The following ATG7 variants were observed in gnomAD, a reference collection of about 807,000 sequenced individuals.
ATG7 encodes autophagy related 7, also known as ubiquitin-like modifier-activating enzyme ATG7.
Under a neutral mutation model 82.4 loss-of-function variants are expected in ATG7, and 70 were observed. The ratio of observed to expected loss-of-function variants is 0.85; its 90% CI spans 0.70 to 1.04. The LOEUF (loss-of-function observed/expected upper bound fraction) is 1.04. Among genes scored for constraint, ATG7 ranks in the 50% least tolerant of loss-of-function variants. The pLI is 0.00. For synonymous variants in ATG7, 287 were observed against 313.0 expected (o/e 0.92, Z 0.88); for missense variants, 792 against 864.3 (o/e 0.92, Z 1.05).
chr3:11,431,582 C>A (rs752967622), intron 20 of ATG7, among the ~76,000 whole-genome samples: 1 of 152,174 alleles, frequency 6.6e-6, no homozygotes, highest in African/African-American at 2.4e-5. Flanking sequence ...CCCTGGCAAC[C>A]ACTAATCTTC....
chr3:11,541,301 A>C (rs1019851417), intron 20 of ATG7, among the ~76,000 whole-genome samples: 1 of 152,172 alleles, frequency 6.6e-6, no homozygotes, highest in Non-Finnish European at 1.5e-5. Context: ...TGGTTATCTA[A>C]TTGTTCCAGC....
intron 19 of ATG7, among the ~76,000 whole-genome samples, chr3:11,385,698 C>T (rs2078270813): frequency 6.6e-6 from 1 of 152,154 alleles, no homozygotes; most frequent in Non-Finnish European, 1.5e-5. Context: ...AGGATGACTT[C>T]TGAGTTGATG....
intron 20 of ATG7, among the ~76,000 whole-genome samples, chr3:11,430,756 A>C (rs1322741077): frequency 1.3e-5 from 2 of 152,230 alleles, no homozygotes; most frequent in Non-Finnish European, 2.9e-5. Flanking sequence ...AATGCAATAA[A>C]AAATGTTTTA....
At chr3:11,455,402 T>A (rs578255908) in intron 20 of ATG7, among the ~76,000 whole-genome samples, 2 of 152,284 alleles carry the variant, frequency 1.3e-5, no homozygotes, top group Admixed American at 1.3e-4. Flanking sequence ...TTCCTGGACA[T>A]CCCAGTGCAC....
At chr3:11,455,148 A>T (rs1017892585) in intron 20 of ATG7, among the ~76,000 whole-genome samples, 3 of 152,238 alleles carry the variant, frequency 2.0e-5, no homozygotes, top group Non-Finnish European at 4.4e-5. Flanking sequence ...ATTCTTTTAC[A>T]TATGAGGAAC....
chr3:11,349,811 A>G (rs1311204116), intron 14 of ATG7, among the ~76,000 whole-genome samples: 5 of 152,242 alleles, frequency 3.3e-5, no homozygotes, highest in Non-Finnish European at 7.3e-5. Context: ...TGAAGAAGAA[A>G]GATTGGGCTG....
At chr3:11,345,280 G>A (rs1217949478) in intron 13 of ATG7, among the ~76,000 whole-genome samples, 3 of 152,278 alleles carry the variant, frequency 2.0e-5, no homozygotes, top group African/African-American at 4.8e-5. Flanking sequence ...ATGGTGGCAG[G>A]CGCCTGTGGT....
intron 13 of ATG7, 41 bp from the exon 14 acceptor site, chr3:11,347,836 T>C (rs753806789): frequency 1.9e-6 from 3 of 1,585,010 alleles, no homozygotes; most frequent in South Asian, 2.3e-5. Context: ...CCCTGTGAAA[T>C]GTTCATCAGA....
chr3:11,512,115 G>A (rs1328549820), intron 20 of ATG7, among the ~76,000 whole-genome samples: 2 of 152,200 alleles, frequency 1.3e-5, no homozygotes, highest in Non-Finnish European at 2.9e-5. Context: ...GAGGTGCCAA[G>A]AGCAAGCGAG....
intron 20 of ATG7, among the ~76,000 whole-genome samples, chr3:11,504,752 T>C (rs1443895441): frequency 1.3e-5 from 2 of 152,128 alleles, no homozygotes; most frequent in Non-Finnish European, 2.9e-5. Flanking sequence ...GGGAAAACAA[T>C]GTTGTACAAG....
intron 19 of ATG7, among the ~76,000 whole-genome samples, chr3:11,394,336 C>T (rs1031025364): frequency 5.3e-5 from 8 of 152,174 alleles, no homozygotes; most frequent in African/African-American, 1.9e-4. Flanking sequence ...TAAACCAGCT[C>T]TCTTACTGAA....
chr3:11,565,841 G>C, the ATG7 span, among the ~76,000 whole-genome samples: 1 of 152,176 alleles, frequency 6.6e-6, no homozygotes, highest in Non-Finnish European at 1.5e-5. The surrounding 1 kb of genome is among the most constrained non-coding windows in gnomAD (Gnocchi z 4.1). Context: ...ACCCCACACA[G>C]GTAAGCCATG....
At position 11,333,106 on chromosome 3, in the gene ATG7, T is replaced by C. The variant is rs1951882844; in HGVS notation, c.889+13T>C. The C allele has an allele frequency of 6.5e-7, 1 of 1,543,320 alleles. No homozygotes were observed. Among genetic ancestry groups the C allele is most frequent in the Non-Finnish European group, 8.7e-7 (1 of 1,149,560 alleles). On this transcript the variant is annotated intron_variant, in intron 11 of 20. Transcript: ENST00000693202. ...GCATTTAGCCCAGGTAATTTGCCGG[T>C]CTTTGAAAATGCATATAATTATCAT... is the stretch of plus-strand genomic sequence containing the variant.
At chr3:11,438,359 A>G (rs574459633) in intron 20 of ATG7, among the ~76,000 whole-genome samples, 1 of 152,320 alleles carries the variant, frequency 6.6e-6, no homozygotes, top group South Asian at 2.1e-4. Context: ...AAAGTCAAAC[A>G]GGAGTAAAAC....
At chr3:11,470,071 C>T (rs964854901) in intron 20 of ATG7, among the ~76,000 whole-genome samples, 8 of 151,340 alleles carry the variant, frequency 5.3e-5, no homozygotes, top group Non-Finnish European at 1.5e-5. Flanking sequence ...GCACCTCTAC[C>T]TTGTGCTTAC....
chr3:11,450,033 A>T (rs893096087), intron 20 of ATG7, among the ~76,000 whole-genome samples: 1 of 152,174 alleles, frequency 6.6e-6, no homozygotes, highest in African/African-American at 2.4e-5. Context: ...TCCAAATCTT[A>T]CAGGGTGGTC....
At chr3:11,474,887 A>G (rs549701158) in intron 20 of ATG7, among the ~76,000 whole-genome samples, 1 of 152,270 alleles carries the variant, frequency 6.6e-6, no homozygotes, top group East Asian at 1.9e-4. Context: ...GGCCGGAGCC[A>G]GTATGGCAGC....
At chr3:11,417,784 AATT>A (rs139624584) in intron 19 of ATG7, among the ~76,000 whole-genome samples, 4 of 56,772 alleles carry the variant, frequency 7.0e-5, no homozygotes, top group Admixed American at 2.1e-4. Context: ...GCATTTAAAA[AATT>A]ATTATTATTA....
intron 20 of ATG7, among the ~76,000 whole-genome samples, chr3:11,444,512 A>G (rs1329052219): frequency 1.3e-5 from 2 of 152,210 alleles, no homozygotes; most frequent in Non-Finnish European, 2.9e-5. Context: ...TTGTGAAGGC[A>G]TACTGTAAGT....
Sources: gnomAD v4.1 joint callset for allele counts (sites outside exome capture counted in the v4.1 genomes callset) on GRCh38, gnomAD v4.1.1 for gene constraint, Gnocchi (gnomAD v3.1) non-coding constraint, MANE v1.5 for transcripts, NCBI Gene and HGNC (gene_info 2026-07-23, HGNC 2026-07-21) for gene names.